ZC4H2: variants seen among roughly 807,000 people sequenced by gnomAD.
ZC4H2 encodes the protein zinc finger C4H2 domain-containing protein.
For missense variants in ZC4H2, 137 were observed against 173.9 expected (o/e 0.79, Z 1.19); for synonymous variants, 84 against 66.3 (o/e 1.27, Z -1.30).
At chrX:64,964,285 A>T (rs927359026) in intron 1 of ZC4H2, among the ~76,000 whole-genome samples, 5 of 111,459 alleles carry the variant, frequency 4.5e-5, no homozygotes, top group Admixed American at 9.6e-5. Context: ...AGAAAGAGGA[A>T]GATAAAAATA....
chrX:64,926,901 G>T (rs1929445126), intron 1 of ZC4H2, among the ~76,000 whole-genome samples: 1 of 111,497 alleles, frequency 9.0e-6, no homozygotes, highest in Admixed American at 9.5e-5. Flanking sequence ...GCAAATTTTG[G>T]TACAGGTAGA....
intron 1 of ZC4H2, among the ~76,000 whole-genome samples, chrX:64,945,923 C>A (rs747762752): frequency 9.0e-6 from 1 of 110,789 alleles, no homozygotes; most frequent in South Asian, 3.9e-4. Context: ...GGTGGAAGCC[C>A]CTCCCCCCAC....
chrX:64,920,145 G>A lies in ZC4H2; in HGVS notation c.334C>T (p.Arg112Cys). 6 of 1,211,519 alleles carry A rather than the reference G, an allele frequency of 5.0e-6. No individual in the cohort carries two copies. The highest frequency in any genetic ancestry group is 1.7e-5 in the African/African-American group (1 of 57,776). The change falls in exon 3 of 5, where the codon CGC becomes TGC. Residue 112 changes from arginine to cysteine, a missense_variant. By Grantham distance (180) the Arg-to-Cys change is radical. Coordinates refer to ENST00000374839, the MANE Select transcript of ZC4H2 (RefSeq NM_018684.4). ...AGCCTCTGCAGGCCCAGAGTCATGC[G>A]CAGGGCATCCACATGTTCTTTCAGT... is the stretch of plus-strand genomic sequence containing the variant. ...KPLKEHVDAL[R>C]MTLGLQRLPD... is the part of the protein sequence containing the mutation.
intron 1 of ZC4H2, among the ~76,000 whole-genome samples, chrX:64,939,913 A>G (rs777272323): frequency 4.7e-4 from 53 of 111,979 alleles, no homozygotes; most frequent in Non-Finnish European, 7.7e-4. Context: ...AATGGCACCA[A>G]AAGCAAAAAT....
chrX:65,034,435 G>A (rs1264760785), intron 1 of ZC4H2, among the ~76,000 whole-genome samples: 3 of 111,773 alleles, frequency 2.7e-5, no homozygotes, highest in African/African-American at 9.8e-5. Context: ...GAGGAGCCAA[G>A]ACAAATACGT....
intron 1 of ZC4H2, among the ~76,000 whole-genome samples, chrX:64,974,639 A>G (rs1350536158): frequency 9.0e-6 from 1 of 111,530 alleles, no homozygotes; most frequent in Non-Finnish European, 1.9e-5. Context: ...ACTGCTGTTT[A>G]GAGGTGAAAG....
At chrX:65,023,556 G>A (rs1932852813) in intron 1 of ZC4H2, among the ~76,000 whole-genome samples, 2 of 111,874 alleles carry the variant, frequency 1.8e-5, no homozygotes, top group African/African-American at 6.5e-5. Flanking sequence ...ACCACAATGA[G>A]ATACCATCTC....
intron 1 of ZC4H2, among the ~76,000 whole-genome samples, chrX:65,002,532 C>T (rs1367159469): frequency 1.8e-5 from 2 of 111,745 alleles, no homozygotes; most frequent in African/African-American, 6.5e-5. Flanking sequence ...AGCCCCTCTG[C>T]CCGGCCGCCA....
chrX:64,979,088 C>T (rs867594644), upstream of ZC4H2, among the ~76,000 whole-genome samples: 2 of 111,676 alleles, frequency 1.8e-5, no homozygotes, highest in African/African-American at 3.3e-5. Context: ...CAAGCCTCAC[C>T]GAAATCCTAG....
intron 1 of ZC4H2, among the ~76,000 whole-genome samples, chrX:64,999,211 A>C (rs1231561709): frequency 3.6e-5 from 4 of 110,960 alleles, no homozygotes; most frequent in Non-Finnish European, 7.6e-5. Context: ...AGAAGGCGGG[A>C]GATTTCTGCA....
At chrX:64,985,578 A>C (rs1191452346) in intron 1 of ZC4H2, among the ~76,000 whole-genome samples, 1 of 111,457 alleles carries the variant, frequency 9.0e-6, no homozygotes, top group Non-Finnish European at 1.9e-5. Context: ...CTCATAGCTT[A>C]TTTGGAGATG....
chrX:64,991,632 CAT>C (rs766524329), intron 1 of ZC4H2, among the ~76,000 whole-genome samples: 11 of 111,764 alleles, frequency 9.8e-5, no homozygotes, highest in Non-Finnish European at 1.7e-4. Flanking sequence ...ACAAGTTAAA[CAT>C]AGAATTACCC....
intron 1 of ZC4H2, among the ~76,000 whole-genome samples, chrX:64,930,838 T>C (rs1452454183): frequency 9.0e-6 from 1 of 111,562 alleles, no homozygotes; most frequent in Admixed American, 9.5e-5. Flanking sequence ...GGTTGTGTTC[T>C]TTCTTGGTTT....
At chrX:64,920,452 C>A (rs918524005) in intron 2 of ZC4H2, among the ~76,000 whole-genome samples, 199 bp from the exon 3 acceptor site, 3 of 111,974 alleles carry the variant, frequency 2.7e-5, no homozygotes, top group African/African-American at 9.8e-5. Flanking sequence ...TAGTGCTTAA[C>A]TCATGCAATC....
chrX:64,995,774 T>C (rs1338516922), intron 1 of ZC4H2, among the ~76,000 whole-genome samples: 1 of 112,175 alleles, frequency 8.9e-6, no homozygotes, highest in East Asian at 2.8e-4. Flanking sequence ...TTTCTAACTG[T>C]CTGGGGGCTG....
chrX:64,944,309 T>A (rs1930432443), intron 1 of ZC4H2, among the ~76,000 whole-genome samples: 1 of 108,453 alleles, frequency 9.2e-6, no homozygotes, highest in Non-Finnish European at 1.9e-5. Context: ...CCTGGCTAAT[T>A]GTTTTGTATT....
intron 1 of ZC4H2, among the ~76,000 whole-genome samples, chrX:64,948,387 G>A (rs958334927): frequency 9.0e-5 from 10 of 111,543 alleles, no homozygotes; most frequent in Non-Finnish European, 1.5e-4. Flanking sequence ...ATATTCATGA[G>A]GATTTTTACG....
At chrX:64,995,779 G>A (rs1426927904) in intron 1 of ZC4H2, among the ~76,000 whole-genome samples, 1 of 112,205 alleles carries the variant, frequency 8.9e-6, no homozygotes, top group African/African-American at 3.2e-5. Flanking sequence ...AACTGTCTGG[G>A]GGCTGCCTGA....
chrX:65,025,698 G>C (rs1054902791), intron 1 of ZC4H2, among the ~76,000 whole-genome samples: 6 of 111,813 alleles, frequency 5.4e-5, no homozygotes, highest in African/African-American at 2.0e-4. Flanking sequence ...TTGTAATCTA[G>C]CTTAAGTGCA....
Sources: gnomAD v4.1 joint callset for allele counts (sites outside exome capture counted in the v4.1 genomes callset) on GRCh38, gnomAD v4.1.1 for gene constraint, MANE v1.5 for transcripts, NCBI Gene and HGNC (gene_info 2026-07-23, HGNC 2026-07-21) for gene names.